Variants in IDE observed in about 807,000 individuals in gnomAD.
IDE encodes the protein insulin-degrading enzyme.
A neutral mutation model predicts 133.2 loss-of-function variants in IDE; 58 were observed. The ratio of observed to expected loss-of-function variants is 0.44; its 90% CI spans 0.35 to 0.54. The LOEUF is 0.54. IDE is among the 20% of genes least tolerant of loss of function. The pLI is 0.00. For synonymous variants in IDE, 396 were observed against 421.3 expected, an observed-to-expected ratio of 0.94 and a Z score of 0.73; for missense variants, 981 against 1,234.0, an observed-to-expected ratio of 0.79 and a Z score of 3.07.
chr10:92,479,996 A>T (rs909369142), intron 14 of IDE, among the ~76,000 whole-genome samples: 8 of 152,216 alleles, frequency 5.3e-5, no homozygotes, highest in Admixed American at 3.9e-4. Context: ...AATAATTGAT[A>T]ATTTCTATCA....
At chr10:92,502,313 G>A (rs554271455) in intron 11 of IDE, among the ~76,000 whole-genome samples, 9 of 151,922 alleles carry the variant, frequency 5.9e-5, no homozygotes, top group East Asian at 3.9e-4. Flanking sequence ...CATTTTTCTC[G>A]GCTAATATTT....
intron 4 of IDE, among the ~76,000 whole-genome samples, chr10:92,525,391 T>C (rs1849569119): frequency 6.6e-6 from 1 of 152,176 alleles, no homozygotes; most frequent in South Asian, 2.1e-4. Context: ...AAGGAACATA[T>C]GTCAAAACAA....
At chr10:92,481,328 G>C (rs1846594590) in intron 14 of IDE, among the ~76,000 whole-genome samples, 1 of 152,142 alleles carries the variant, frequency 6.6e-6, no homozygotes, top group African/African-American at 2.4e-5. Flanking sequence ...TGTAGTCCCA[G>C]CTACTCAGGA....
At chr10:92,549,032 C>T (rs1316459471) in intron 1 of IDE, among the ~76,000 whole-genome samples, 2 of 151,842 alleles carry the variant, frequency 1.3e-5, no homozygotes, top group Non-Finnish European at 2.9e-5. Flanking sequence ...CTGAGGCGGG[C>T]GGATCACATG....
chr10:92,471,319 G>A (rs1399014586), intron 17 of IDE, among the ~76,000 whole-genome samples: 2 of 152,168 alleles, frequency 1.3e-5, no homozygotes, highest in Non-Finnish European at 2.9e-5. Flanking sequence ...GACATTTAAG[G>A]AGAAACATGG....
chr10:92,461,191 CT>C lies in IDE; in HGVS notation c.2822del (p.Lys941ArgfsTer6). The C allele has an allele frequency of 7.3e-7, 1 of 1,361,770 alleles. No homozygotes were observed. The highest frequency in any genetic ancestry group is 1.1e-6 in the Non-Finnish European group (1 of 951,914). 84.4% of individuals were successfully genotyped at this position (1,361,770 alleles called of 1,614,324 possible). A position where few individuals can be genotyped will look rare whatever the true frequency, so the allele number is the denominator to read the frequency against. On this transcript the variant is annotated frameshift_variant and splice_region_variant, in exon 22 of 25. Transcript: ENST00000265986. LOFTEE classifies it high-confidence loss of function. ...LTKEDIIKFY[K>X]EMLAVDAPRR... ...ATCTAAATATATGAATTTGACTTACCTTGTAGAATTTGATGATATCTTCCTT... is the reference window on the plus strand; with the variant it reads ...ATCTAAATATATGAATTTGACTTACCTGTAGAATTTGATGATATCTTCCTT...
At chr10:92,532,231 C>T (rs368941422) in intron 3 of IDE, among the ~76,000 whole-genome samples, 5 of 145,254 alleles carry the variant, frequency 3.4e-5, no homozygotes, top group South Asian at 4.3e-4. Context: ...TAATTTGGTA[C>T]GTCTATAAAA....
At chr10:92,516,341 A>G (rs1028185317) in intron 4 of IDE, among the ~76,000 whole-genome samples, 5 of 150,688 alleles carry the variant, frequency 3.3e-5, no homozygotes, top group Non-Finnish European at 7.4e-5. Context: ...TAAAAATACA[A>G]AAATTAGCCA....
At chr10:92,536,189 C>A (rs976398794) in intron 2 of IDE, among the ~76,000 whole-genome samples, 9 of 151,628 alleles carry the variant, frequency 5.9e-5, no homozygotes, top group African/African-American at 2.2e-4. Context: ...TCGAGACCAG[C>A]CTGGCCAACG....
intron 11 of IDE, among the ~76,000 whole-genome samples, chr10:92,492,717 A>C (rs1847432820): frequency 6.6e-6 from 1 of 152,202 alleles, no homozygotes; most frequent in African/African-American, 2.4e-5. Flanking sequence ...CTGAAAGCCT[A>C]GTACTTGCAA....
intron 1 of IDE, among the ~76,000 whole-genome samples, chr10:92,559,472 T>C (rs1189090052): frequency 6.6e-6 from 1 of 152,186 alleles, no homozygotes; most frequent in African/African-American, 2.4e-5. Flanking sequence ...CATACCTCAA[T>C]ATGAATGAAC....
At chr10:92,495,691 C>A (rs1004891435) in intron 11 of IDE, among the ~76,000 whole-genome samples, 9 of 151,816 alleles carry the variant, frequency 5.9e-5, no homozygotes, top group African/African-American at 2.2e-4. Context: ...GATGAACCCT[C>A]TCCTTCCACT....
At chr10:92,570,877 C>T (rs753553682) in intron 1 of IDE, among the ~76,000 whole-genome samples, 2 of 151,898 alleles carry the variant, frequency 1.3e-5, no homozygotes, top group Non-Finnish European at 2.9e-5. Context: ...GATCACATCA[C>T]TGCACTCCAG....
intron 12 of IDE, among the ~76,000 whole-genome samples, chr10:92,487,802 CT>C (rs1156841969): frequency 6.6e-6 from 1 of 152,084 alleles, no homozygotes; most frequent in Non-Finnish European, 1.5e-5. Context: ...GTACTTCTCT[CT>C]TTTTTTTCTT....
intron 1 of IDE, among the ~76,000 whole-genome samples, chr10:92,539,101 C>T (rs572451519): frequency 6.6e-6 from 1 of 152,128 alleles, no homozygotes; most frequent in Non-Finnish European, 1.5e-5. Context: ...TCTCTGAAAT[C>T]ACCTATAACT....
intron 12 of IDE, among the ~76,000 whole-genome samples, chr10:92,489,104 C>T (rs1005064194): frequency 1.3e-5 from 2 of 151,910 alleles, no homozygotes; most frequent in Non-Finnish European, 2.9e-5. Context: ...GCAGATTTTA[C>T]GGTTCTTAGT....
intron 1 of IDE, among the ~76,000 whole-genome samples, chr10:92,547,537 A>C (rs1457895623): frequency 6.6e-6 from 1 of 152,202 alleles, no homozygotes. Context: ...CTGGATTTTT[A>C]AATATTTGCA....
chr10:92,494,150 C>T (rs1018663951), intron 11 of IDE, among the ~76,000 whole-genome samples: 1 of 151,954 alleles, frequency 6.6e-6, no homozygotes, highest in Non-Finnish European at 1.5e-5. Flanking sequence ...CAGCCTTGAA[C>T]TCCTGAGCTC....
chr10:92,558,016 G>C (rs1270167400), intron 1 of IDE, among the ~76,000 whole-genome samples: 1 of 152,012 alleles, frequency 6.6e-6, no homozygotes, highest in African/African-American at 2.4e-5. Context: ...ATTCAAAATA[G>C]ATCAAAGACT....
Sources: gnomAD v4.1 joint callset for allele counts (sites outside exome capture counted in the v4.1 genomes callset) on GRCh38, gnomAD v4.1.1 for gene constraint, MANE v1.5 for transcripts, NCBI Gene and HGNC (gene_info 2026-07-23, HGNC 2026-07-21) for gene names.